CES4A: variants seen among roughly 807,000 people sequenced by gnomAD.
The protein encoded by CES4A is carboxylesterase 4A.
Under a neutral mutation model 65.4 loss-of-function variants are expected in CES4A, and 48 were observed. That is an observed-to-expected ratio of 0.73 (90% CI 0.58 to 0.93). CES4A has a LOEUF of 0.93. CES4A is among the 40% of genes least tolerant of loss of function. CES4A has a pLI of 0.00. For missense variants in CES4A, 685 were observed against 728.5 expected (o/e 0.94, Z 0.69); for synonymous variants, 247 against 281.8 (o/e 0.88, Z 1.24).
chr16:67,000,547 C>A lies in CES4A; in HGVS notation c.261-91C>A. 6.8e-7 allele frequency: 1 copy of A among 1,481,044 alleles called. No homozygotes were observed. The highest frequency in any genetic ancestry group is 9.0e-7 in the Non-Finnish European group (1 of 1,110,324). The allele number at this position is 1,481,044 out of a possible 1,614,324, so 91.7% of individuals were successfully genotyped here. A position where few individuals can be genotyped will look rare whatever the true frequency, so the allele number is the denominator to read the frequency against. On this transcript the variant is annotated intron_variant, in intron 2 of 13. Transcript: ENST00000648724. This position sits in a 1 kb window ranked among gnomAD's most constrained non-coding sequence, Gnocchi z 4.2. ...CGCACACGCACGCGCACAGACGCTG[C>A]CTGGATTTTGCTTTGGGTTCCGTCT...
In CES4A at chr16:67,003,449, G is replaced by C; in HGVS notation, c.901-66G>C. On this transcript the variant is annotated intron_variant, in intron 7 of 13. Coordinates refer to ENST00000648724, the Ensembl canonical transcript of CES4A. This position sits in a 1 kb window ranked among gnomAD's most constrained non-coding sequence, Gnocchi z 4.2. Reference sequence around the variant, plus strand: ...CAGCCACCCCCAACTACTTCCCCAGGGACCCTGTCTCAAGAGCACACGAGG... The same window carrying C: ...CAGCCACCCCCAACTACTTCCCCAGCGACCCTGTCTCAAGAGCACACGAGG... 1.3e-6 allele frequency: 2 copies of C among 1,591,318 alleles called. No homozygotes were observed. Among genetic ancestry groups the C allele is most frequent in the Non-Finnish European group, 1.7e-6 (2 of 1,159,502 alleles).
At position 67,003,985 on chromosome 16, in the gene CES4A, G is replaced by T; in HGVS notation, c.940-99G>T. 2 of 1,264,614 alleles carry T rather than the reference G, an allele frequency of 1.6e-6. No homozygotes were observed. The highest frequency in any genetic ancestry group is 1.3e-5 in the South Asian group (1 of 74,900). The allele number at this position is 1,264,614 out of a possible 1,614,324, so 78.3% of individuals were successfully genotyped here. A position where few individuals can be genotyped will look rare whatever the true frequency, so the allele number is the denominator to read the frequency against. ...CAGCCCCAGCCTTTTCCCAATCAAA[G>T]AACCTAGGCTAGAGCAGCCTCTGAA... On this transcript the variant is annotated intron_variant, in intron 8 of 13. Coordinates refer to ENST00000648724, the Ensembl canonical transcript of CES4A. This position sits in a 1 kb window ranked among gnomAD's most constrained non-coding sequence, Gnocchi z 4.2.
intron 1 of CES4A, among the ~76,000 whole-genome samples, chr16:66,994,674 T>C (rs1445048312): frequency 6.6e-6 from 1 of 150,470 alleles, no homozygotes; most frequent in Non-Finnish European, 1.5e-5. Flanking sequence ...ACCCCATCTC[T>C]ACTAAAAATA....
chr16:66,998,195 C>T (rs2145610676), intron 2 of CES4A, among the ~76,000 whole-genome samples: 1 of 152,112 alleles, frequency 6.6e-6, no homozygotes, highest in Admixed American at 6.6e-5. Flanking sequence ...ACTGGGCACT[C>T]TCATGCTTAG....
intron 10 of CES4A, 108 bp downstream of exon 10, chr16:67,004,981 A>T (rs1965640385): frequency 2.1e-6 from 2 of 947,892 alleles, no homozygotes; most frequent in Non-Finnish European, 3.2e-6. Flanking sequence ...CAGGGTAAGG[A>T]TCTTTCTTGG....
intron 10 of CES4A, 39 bp downstream of exon 10, chr16:67,004,912 GGGTT>G: frequency 6.8e-7 from 1 of 1,475,132 alleles, no homozygotes; most frequent in Admixed American, 2.0e-5. Context: ...AGTTCGGACA[GGGTT>G]GACCCCCCTG....
intron 2 of CES4A, among the ~76,000 whole-genome samples, chr16:66,999,512 G>A (rs564022431): frequency 3.2e-4 from 49 of 152,296 alleles, no homozygotes; most frequent in African/African-American, 9.4e-4. Flanking sequence ...GGTCAACAGC[G>A]GACAGGAGGC....
Position 67,001,105 on chromosome 16 carries a change from G to T in CES4A, c.536+115G>T. On this transcript the variant is annotated intron_variant, in intron 4 of 13. Transcript: ENST00000648724. This position sits in a 1 kb window ranked among gnomAD's most constrained non-coding sequence, Gnocchi z 4.1. ...TGGGGGGGGTGGGGCCGCGAGGCGG[G>T]GGCGGGGCCTGGCGCTCGGTGGAAG... 8.0e-7 allele frequency: 1 copy of T among 1,256,390 alleles called. No individual in the cohort carries two copies. 77.8% of individuals were successfully genotyped at this position (1,256,390 alleles called of 1,614,324 possible). A position where few individuals can be genotyped will look rare whatever the true frequency, so the allele number is the denominator to read the frequency against.
At chr16:67,004,022 G>C in intron 8 of CES4A, 62 bp from the exon 9 acceptor site, 5 of 1,588,248 alleles carry the variant, frequency 3.1e-6, no homozygotes, top group Non-Finnish European at 4.3e-6. Context: ...GGGCACCCAA[G>C]GTTGCAGGGA....
Position 67,000,817 on chromosome 16 carries a change from C to A in CES4A, c.402+38C>A. 6.4e-7 allele frequency: 1 copy of A among 1,553,710 alleles called. No homozygotes were observed. Among genetic ancestry groups the A allele is most frequent in the Admixed American group, 1.9e-5 (1 of 51,364 alleles). ...TCTCCCGCGCCCGCGGTCCCACCGC[C>A]GCCCACCGCCCCGCTCAGATCCCGG... On this transcript the variant is annotated intron_variant, in intron 3 of 13. Coordinates refer to ENST00000648724, the Ensembl canonical transcript of CES4A. The surrounding 1 kb of genome is among the most constrained non-coding windows in gnomAD (Gnocchi z 4.2).
chr16:67,001,179 G>A lies in CES4A; in HGVS notation c.537-129G>A. ...GATGGGGCGAGCTAACTCCAAGGAA[G>A]GGGGTGTGGTCGCAGGACTGGGTCT... is the stretch of plus-strand genomic sequence containing the variant. On this transcript the variant is annotated intron_variant, in intron 4 of 13. Coordinates refer to ENST00000648724, the Ensembl canonical transcript of CES4A. This position sits in a 1 kb window ranked among gnomAD's most constrained non-coding sequence, Gnocchi z 4.1. 1.5e-6 allele frequency: 2 copies of A among 1,370,494 alleles called. No individual in the cohort carries two copies. The highest frequency in any genetic ancestry group is 9.7e-7 in the Non-Finnish European group (1 of 1,030,324). The allele number at this position is 1,370,494 out of a possible 1,614,324, so 84.9% of individuals were successfully genotyped here.
chr16:66,999,426 T>G (rs1340810425), intron 2 of CES4A, among the ~76,000 whole-genome samples: 1 of 152,186 alleles, frequency 6.6e-6, no homozygotes, highest in Non-Finnish European at 1.5e-5. Flanking sequence ...TGAATCTACC[T>G]CTATTCCTGC....
exon 13 of CES4A, chr16:67,006,757 G>A (rs1464123039): frequency 1.9e-6 from 3 of 1,614,010 alleles, no homozygotes; most frequent in Admixed American, 3.3e-5. Flanking sequence ...CTTTCCATGG[G>A]TAAGGAGAAG....
chr16:66,992,860 T>C (rs1172482974), intron 1 of CES4A, among the ~76,000 whole-genome samples: 1 of 152,080 alleles, frequency 6.6e-6, no homozygotes, highest in Non-Finnish European at 1.5e-5. Flanking sequence ...TTATTGGTTT[T>C]TTTTTAGTAG....
At position 67,000,933 on chromosome 16, in the gene CES4A, G is replaced by C; in HGVS notation, c.479G>C (p.Arg160Pro). The C allele has an allele frequency of 6.2e-7, 1 of 1,613,382 alleles. No homozygotes were observed. Among genetic ancestry groups the C allele is most frequent in the Non-Finnish European group, 8.5e-7 (1 of 1,179,650 alleles). The change falls in exon 4 of 14, where the codon CGC becomes CCC. Residue 160 changes from arginine (R) to proline (P), a missense_variant. Coordinates refer to ENST00000648724, the Ensembl canonical transcript of CES4A. This position sits in a 1 kb window ranked among gnomAD's most constrained non-coding sequence, Gnocchi z 4.2. ...TACGAGGGCTCTGACTTGGCCGCCC[G>C]CGAGAAAGTGGTGCTGGTGTTTCTG...
chr16:66,999,237 C>T (rs549273819), intron 2 of CES4A, among the ~76,000 whole-genome samples: 3 of 152,112 alleles, frequency 2.0e-5, no homozygotes, highest in Non-Finnish European at 2.9e-5. Flanking sequence ...GAGGAACAGG[C>T]GAGGCAAACA....
intron 1 of CES4A, among the ~76,000 whole-genome samples, chr16:66,994,252 T>TTTATTTATTTA (rs1286727318): frequency 1.2e-4 from 12 of 104,078 alleles, no homozygotes; most frequent in African/African-American, 9.2e-4. Context: ...TTATTTATTT[T>TTTATTTATTTA]TTGAGATGGA....
Position 67,001,495 on chromosome 16 carries a change from CTT to C in CES4A, c.690+35_690+36del, listed in dbSNP as rs770386679. The stretch of plus-strand genomic sequence containing the variant: ...AATGCCCAGACGGACCGAGCACAGA[CTT>C]AGGCTCCTGCGTTCCCACAAATGTA... On this transcript the variant is annotated intron_variant, in intron 5 of 13. Transcript: ENST00000648724. This position sits in a 1 kb window ranked among gnomAD's most constrained non-coding sequence, Gnocchi z 4.1. 87 of 1,555,406 alleles carry C rather than the reference CTT, an allele frequency of 5.6e-5. No individual in the cohort carries two copies. In the Admixed American group the frequency reaches 1.7e-3, roughly 30 times the overall value.
At chr16:66,994,216 T>TTTTATTTA (rs59252158) in intron 1 of CES4A, among the ~76,000 whole-genome samples, 16,281 of 144,124 alleles carry the variant, frequency 0.11, 2,152 homozygotes, top group African/African-American at 0.32. Context: ...AGACATAAAT[T>TTTTATTTA]TTTATTTATT....
Sources: gnomAD v4.1 joint callset for allele counts (sites outside exome capture counted in the v4.1 genomes callset) on GRCh38, gnomAD v4.1.1 for gene constraint, Gnocchi (gnomAD v3.1) non-coding constraint, MANE v1.5 for transcripts, NCBI Gene and HGNC (gene_info 2026-07-23, HGNC 2026-07-21) for gene names.